TRAPPC8: variants seen among roughly 807,000 people sequenced by gnomAD.
TRAPPC8 encodes the protein general sporulation gene 1 homolog.
A neutral mutation model predicts 174.3 loss-of-function variants in TRAPPC8; 54 were observed. The observed-to-expected ratio is 0.31, with a 90% CI of 0.25 to 0.39. The LOEUF (loss-of-function observed/expected upper bound fraction) is 0.39, where lower values mean the gene tolerates loss of function less well. Among genes scored for constraint, TRAPPC8 ranks in the 10% least tolerant of loss-of-function variants. The pLI is 1.00. For missense variants in TRAPPC8, 1,531 were observed against 1,699.1 expected, an observed-to-expected ratio of 0.90 and a Z score of 1.74; for synonymous variants, 630 against 579.9, an observed-to-expected ratio of 1.09 and a Z score of -1.24.
At position 31,917,569 on chromosome 18, in the gene TRAPPC8, A is replaced by T. The variant is rs1187188065; in HGVS notation, c.442+9T>A. 2 of 1,600,552 alleles carry T rather than the reference A, an allele frequency of 1.2e-6. No individual in the cohort carries two copies. Among genetic ancestry groups the T allele is most frequent in the Non-Finnish European group, 1.7e-6 (2 of 1,174,608 alleles). On this transcript the variant is annotated intron_variant, in intron 3 of 28. Coordinates refer to ENST00000283351, the MANE Select transcript of TRAPPC8 (RefSeq NM_014939.5). ...TTGATTTGAGGAGAACATAAATGTC[A>T]AAGGATACATGCTAAATAGTGGTTC... is the stretch of plus-strand genomic sequence containing the variant.
At chr18:31,901,047 A>T in intron 9 of TRAPPC8, 22 bp from the exon 10 acceptor site, 1 of 1,559,276 alleles carries the variant, frequency 6.4e-7, no homozygotes. Context: ...GACATAGTTT[A>T]CATATTTCAA....
At chr18:31,931,834 C>G (rs543829807) in intron 1 of TRAPPC8, among the ~76,000 whole-genome samples, 5 of 152,186 alleles carry the variant, frequency 3.3e-5, no homozygotes, top group African/African-American at 1.2e-4. Flanking sequence ...TTCCCTTATT[C>G]TCACCTCACA....
At position 31,867,030 on chromosome 18, in the gene TRAPPC8, C is replaced by A. The variant is rs934674212; in HGVS notation, c.2464-55G>T. Reference sequence around the variant, plus strand: ...TGTTTTCATAATATCTTAAATAGCACAATACCTAATTCTATAATGTTGCAA... The same window carrying A: ...TGTTTTCATAATATCTTAAATAGCAAAATACCTAATTCTATAATGTTGCAA... On this transcript the variant is annotated intron_variant, in intron 17 of 28. Coordinates refer to ENST00000283351, the MANE Select transcript of TRAPPC8 (RefSeq NM_014939.5). 2.5e-6 allele frequency: 4 copies of A among 1,573,416 alleles called. No homozygotes were observed. In the African/African-American group the frequency reaches 5.4e-5, roughly 21 times the overall value.
chr18:31,920,577 GATCGATT>G, intron 2 of TRAPPC8, among the ~76,000 whole-genome samples: 1 of 150,952 alleles, frequency 6.6e-6, no homozygotes, highest in East Asian at 2.1e-4. Context: ...GAGGCAGGCA[GATCGATT>G]GAGCTCAGGA....
In TRAPPC8 at chr18:31,863,051, CAAAAAAA is replaced by C. The variant is rs35944569; in HGVS notation, c.2745+1569_2745+1575del. On this transcript the variant is annotated intron_variant, in intron 19 of 28. Coordinates refer to ENST00000283351, the MANE Select transcript of TRAPPC8 (RefSeq NM_014939.5). ...TGGGTGACAGAGCAAGACTAGGTCT[CAAAAAAA>C]AAAAAAAAAAAGAGTATAAGCAGGC... Among the ~76,000 whole-genome samples, 6 of 113,740 alleles carry C rather than the reference CAAAAAAA, an allele frequency of 5.3e-5. No individual in the cohort carries two copies. In the South Asian group the frequency reaches 1.4e-3, roughly 27 times the overall value. The allele number at this position is 113,740 out of a possible 152,430, so 74.6% of individuals were successfully genotyped here.
In TRAPPC8 at chr18:31,942,832, G is replaced by A. The variant is rs1362046809; in HGVS notation, c.-68C>T. On this transcript the variant is annotated 5_prime_UTR_variant, in exon 1 of 29. Transcript: ENST00000283351. ...CCTGCGAGGTTATCCTGCGGCTGCA[G>A]CAGCTACCGCCGCCGCCCGCCGGCC... 3.9e-6 allele frequency: 5 copies of A among 1,266,986 alleles called. No homozygotes were observed. The highest frequency in any genetic ancestry group is 3.1e-5 in the East Asian group (1 of 31,796). 78.5% of individuals were successfully genotyped at this position (1,266,986 alleles called of 1,614,324 possible).
At chr18:31,911,756 C>CAAAAAAA (rs71177805) in intron 5 of TRAPPC8, among the ~76,000 whole-genome samples, 1 of 62,984 alleles carries the variant, frequency 1.6e-5, no homozygotes, top group Non-Finnish European at 2.7e-5. Flanking sequence ...GACTCCGTCT[C>CAAAAAAA]AAAAAAAAAA....
intron 20 of TRAPPC8, among the ~76,000 whole-genome samples, chr18:31,857,338 T>C (rs1398691535): frequency 2.0e-5 from 3 of 152,160 alleles, no homozygotes; most frequent in Non-Finnish European, 4.4e-5. Flanking sequence ...ACTAAAAAAA[T>C]GTGTGCCGTT....
intron 5 of TRAPPC8, among the ~76,000 whole-genome samples, chr18:31,912,503 A>AC (rs2036956533): frequency 6.6e-6 from 1 of 151,774 alleles, no homozygotes; most frequent in Non-Finnish European, 1.5e-5. Context: ...CCAAAAAAAA[A>AC]ATTAGCCGGG....
At chr18:31,940,465 C>CCAAAAAA (rs1025611157) in intron 1 of TRAPPC8, among the ~76,000 whole-genome samples, 9 of 151,950 alleles carry the variant, frequency 5.9e-5, no homozygotes, top group Non-Finnish European at 1.0e-4. Flanking sequence ...GACTCCATCT[C>CCAAAAAA]CAAAAAACAA....
intron 10 of TRAPPC8, 105 bp downstream of exon 10, chr18:31,900,820 C>T (rs773832309): frequency 7.3e-5 from 60 of 823,346 alleles, no homozygotes; most frequent in African/African-American, 1.8e-4. Context: ...AACTTGTCTC[C>T]GACTATATTA....
rs7234891 is a variant in TRAPPC8 at position 31,867,600 on chromosome 18, C to T, written c.2389-124G>A. Reference sequence around the variant, plus strand: ...AAGTCTGCATTTACTTGGTTTTTACCACATGCTGAGCTCTACACAAAGTGT... The same window carrying T: ...AAGTCTGCATTTACTTGGTTTTTACTACATGCTGAGCTCTACACAAAGTGT... On this transcript the variant is annotated intron_variant, in intron 16 of 28. Transcript: ENST00000283351. The T allele has an allele frequency of 2.8e-3, 1,963 of 694,622 alleles. 26 individuals carry two copies. In the African/African-American group the frequency reaches 0.03, roughly 11 times the overall value. 43.0% of individuals were successfully genotyped at this position (694,622 alleles called of 1,614,324 possible).
In TRAPPC8 at chr18:31,830,495, T is replaced by C; in HGVS notation, c.*260A>G. 2.5e-6 allele frequency: 1 copy of C among 403,370 alleles called. No individual in the cohort carries two copies. Among genetic ancestry groups the C allele is most frequent in the East Asian group, 4.4e-5 (1 of 22,686 alleles). The allele number at this position is 403,370 out of a possible 1,614,324, so 25.0% of individuals were successfully genotyped here. ...CTTTGTGTTTTCTTAAGATGGGGCT[T>C]AATAAGGTGCACAAATATGCTGATA... is the stretch of plus-strand genomic sequence containing the variant. On this transcript the variant is annotated 3_prime_UTR_variant, in exon 29 of 29. Coordinates refer to ENST00000283351, the MANE Select transcript of TRAPPC8 (RefSeq NM_014939.5).
At chr18:31,921,769 T>A (rs1373818202) in intron 2 of TRAPPC8, among the ~76,000 whole-genome samples, 2 of 152,222 alleles carry the variant, frequency 1.3e-5, no homozygotes, top group African/African-American at 4.8e-5. Flanking sequence ...ATATTTCATT[T>A]ATTACGCTTC....
At position 31,900,242 on chromosome 18, in the gene TRAPPC8, C is replaced by A. The variant is rs520531; in HGVS notation, c.1490+683G>T. Reference sequence around the variant, plus strand: ...GAGCAAGACTCCTCCTCAAAAAAAACCAGAAACAAAAAAATAATACATGAC... The same window carrying A: ...GAGCAAGACTCCTCCTCAAAAAAAAACAGAAACAAAAAAATAATACATGAC... On this transcript the variant is annotated intron_variant, in intron 10 of 28. Transcript: ENST00000283351. Among the ~76,000 whole-genome samples the A allele has an allele frequency of 4.3e-3, 658 of 152,126 alleles. 3 individuals are homozygous for A. The highest frequency in any genetic ancestry group is 0.015 in the African/African-American group (609 of 41,496).
intron 12 of TRAPPC8, among the ~76,000 whole-genome samples, chr18:31,874,966 C>G (rs1315097931): frequency 1.3e-5 from 2 of 152,144 alleles, no homozygotes; most frequent in African/African-American, 4.8e-5. Context: ...GGAGGCCAGA[C>G]TGCTTTGACA....
intron 5 of TRAPPC8, among the ~76,000 whole-genome samples, chr18:31,912,288 C>T (rs1002471604): frequency 7.9e-5 from 12 of 152,074 alleles, no homozygotes; most frequent in African/African-American, 1.4e-4. Flanking sequence ...GTCAAGAGTT[C>T]GAGACCAGCC....
chr18:31,864,961 AG>A (rs1598628526), intron 18 of TRAPPC8, among the ~76,000 whole-genome samples, 180 bp from the exon 19 acceptor site: 2 of 152,240 alleles, frequency 1.3e-5, no homozygotes, highest in Non-Finnish European at 2.9e-5. Flanking sequence ...ACACCAACTA[AG>A]GTATGCTACT....
At chr18:31,898,783 A>G (rs1482287645) in intron 10 of TRAPPC8, among the ~76,000 whole-genome samples, 1 of 152,256 alleles carries the variant, frequency 6.6e-6, no homozygotes, top group Non-Finnish European at 1.5e-5. Context: ...AAAAGAATAA[A>G]AACAAATGAA....
Sources: gnomAD v4.1 joint callset for allele counts (sites outside exome capture counted in the v4.1 genomes callset) on GRCh38, gnomAD v4.1.1 for gene constraint, MANE v1.5 for transcripts, NCBI Gene and HGNC (gene_info 2026-07-23, HGNC 2026-07-21) for gene names.